The following ACOXL variants were observed in gnomAD, a reference collection of about 807,000 sequenced individuals.
The protein encoded by ACOXL is acyl-CoA oxidase like.
Under a neutral mutation model 71.9 loss-of-function variants are expected in ACOXL, and 70 were observed. That is an observed-to-expected ratio of 0.97 (90% CI 0.80 to 1.19). The LOEUF (loss-of-function observed/expected upper bound fraction) is 1.19, where lower values mean the gene tolerates loss of function less well. Ranked by LOEUF, ACOXL falls within the 50% of genes most tolerant of loss-of-function variation. ACOXL has a pLI of 0.00. For missense variants in ACOXL, 703 were observed against 736.3 expected (o/e 0.95, Z 0.52); for synonymous variants, 253 against 281.6 (o/e 0.90, Z 1.02).
chr2:111,046,039 G>A (rs186980013), intron 15 of ACOXL, among the ~76,000 whole-genome samples: 63 of 152,304 alleles, frequency 4.1e-4, no homozygotes, highest in African/African-American at 1.3e-3. Flanking sequence ...AGGGCAGCCC[G>A]GACATCTAAA....
In ACOXL at chr2:111,103,294, CA is replaced by C. The variant is rs1431819374; in HGVS notation, c.1542+10336del. Among the ~76,000 whole-genome samples, 3 of 149,734 alleles carry C rather than the reference CA, an allele frequency of 2.0e-5. No individual in the cohort carries two copies. The East Asian group carries it at 5.9e-4, about 29-fold the overall frequency. ...TGGGAGACAGAGCTAGACTGTGTCT[CA>C]AAAAAAATTAAAAAATAAATAAATA... On this transcript the variant is annotated intron_variant, in intron 17 of 17. Coordinates refer to ENST00000439055, the MANE Select transcript of ACOXL (RefSeq NM_001142807.4).
chr2:110,829,573 G>T (rs1377530018), intron 9 of ACOXL, among the ~76,000 whole-genome samples: 1 of 152,208 alleles, frequency 6.6e-6, no homozygotes, highest in East Asian at 1.9e-4. Flanking sequence ...TTTTGCTCCA[G>T]TGTCTTTGTA....
At chr2:110,957,573 C>T (rs780440630) in intron 12 of ACOXL, among the ~76,000 whole-genome samples, 3 of 152,198 alleles carry the variant, frequency 2.0e-5, no homozygotes, top group Admixed American at 6.5e-5. Context: ...TGTCGATGAC[C>T]ATCTCCTGCC....
chr2:110,805,893 T>C (rs1449764758), intron 9 of ACOXL, among the ~76,000 whole-genome samples: 2 of 152,198 alleles, frequency 1.3e-5, no homozygotes, highest in African/African-American at 4.8e-5. Flanking sequence ...CGTGTATTGG[T>C]TGGACAGAGG....
chr2:111,011,419 G>A (rs767157062), intron 14 of ACOXL, among the ~76,000 whole-genome samples: 7 of 152,070 alleles, frequency 4.6e-5, no homozygotes, highest in Non-Finnish European at 7.4e-5. Context: ...AATGTAAATG[G>A]CCCCAATATT....
At chr2:111,104,090 T>C (rs1339932420) in intron 17 of ACOXL, among the ~76,000 whole-genome samples, 2 of 150,702 alleles carry the variant, frequency 1.3e-5, no homozygotes, top group African/African-American at 2.5e-5. Context: ...TATGCAACCT[T>C]TGGAATTGGC....
At chr2:111,064,211 T>C (rs575019090) in intron 16 of ACOXL, among the ~76,000 whole-genome samples, 7 of 151,986 alleles carry the variant, frequency 4.6e-5, no homozygotes, top group South Asian at 2.1e-4. Context: ...CCAAGGTGGG[T>C]GGATCACGAG....
At chr2:110,767,488 C>T (rs72832804) in intron 1 of ACOXL, among the ~76,000 whole-genome samples, 3,973 of 152,298 alleles carry the variant, frequency 0.026, 76 homozygotes, top group East Asian at 0.055. Flanking sequence ...CAGAGCAGGT[C>T]ACCTCTTGGG....
chr2:110,799,172 A>G (rs2105313719), intron 7 of ACOXL, 72 bp downstream of exon 7: 1 of 1,451,204 alleles, frequency 6.9e-7, no homozygotes, highest in South Asian at 1.1e-5. Context: ...AGGAGAATCT[A>G]ACCTACGTTA....
intron 10 of ACOXL, among the ~76,000 whole-genome samples, chr2:110,894,256 G>C (rs1339471037): frequency 6.7e-6 from 1 of 149,710 alleles, no homozygotes; most frequent in Non-Finnish European, 1.5e-5. Flanking sequence ...GAGCTCTCTG[G>C]TTTTCTTTTT....
At chr2:110,864,197 T>C (rs944666921) in intron 10 of ACOXL, among the ~76,000 whole-genome samples, 1 of 152,174 alleles carries the variant, frequency 6.6e-6, no homozygotes, top group African/African-American at 2.4e-5. Context: ...GTGACTTTGG[T>C]CAAATCTGTT....
At chr2:111,021,538 C>T (rs1339197231) in intron 14 of ACOXL, among the ~76,000 whole-genome samples, 1 of 152,138 alleles carries the variant, frequency 6.6e-6, no homozygotes, top group East Asian at 1.9e-4. Context: ...CTGGGCCCAG[C>T]CCCCTTATTC....
chr2:110,797,834 C>T (rs1403937888), intron 5 of ACOXL, among the ~76,000 whole-genome samples: 1 of 152,126 alleles, frequency 6.6e-6, no homozygotes, highest in Non-Finnish European at 1.5e-5. Flanking sequence ...GCATATACCA[C>T]CAGGGCTTTT....
At chr2:110,899,585 T>G (rs1482530359) in intron 10 of ACOXL, among the ~76,000 whole-genome samples, 3 of 152,198 alleles carry the variant, frequency 2.0e-5, no homozygotes, top group Non-Finnish European at 4.4e-5. Context: ...GCAGTGGTGC[T>G]GATGACGGAA....
intron 15 of ACOXL, 106 bp downstream of exon 15, chr2:111,031,820 G>A (rs200942191): frequency 3.4e-6 from 4 of 1,161,116 alleles, no homozygotes; most frequent in Non-Finnish European, 5.1e-6. Flanking sequence ...CACAGGGAAG[G>A]GACAGTCCGT....
intron 10 of ACOXL, among the ~76,000 whole-genome samples, chr2:110,869,872 C>G (rs868008209): frequency 1.3e-5 from 2 of 152,230 alleles, no homozygotes; most frequent in East Asian, 1.9e-4. Flanking sequence ...CCACTGCCAG[C>G]CCCTACCCAG....
At chr2:110,990,519 A>G (rs964093413) in intron 13 of ACOXL, among the ~76,000 whole-genome samples, 10 of 152,114 alleles carry the variant, frequency 6.6e-5, no homozygotes, top group Non-Finnish European at 1.3e-4. Context: ...GTCTCACAGC[A>G]AGAGCTAGGA....
chr2:110,948,788 C>A (rs1249159467), intron 12 of ACOXL, among the ~76,000 whole-genome samples: 1 of 150,310 alleles, frequency 6.7e-6, no homozygotes. Context: ...GGACTCGAAG[C>A]TCGTCTGGAA....
At chr2:111,052,408 G>T (rs1384328651) in intron 16 of ACOXL, among the ~76,000 whole-genome samples, 2 of 152,038 alleles carry the variant, frequency 1.3e-5, no homozygotes, top group African/African-American at 2.4e-5. Context: ...CATCCTTGTT[G>T]CTGGGGGTCC....
Sources: allele counts gnomAD v4.1 joint callset (sites outside exome capture counted in the v4.1 genomes callset), GRCh38; gene constraint gnomAD v4.1.1; transcripts MANE v1.5; gene names NCBI Gene and HGNC (gene_info 2026-07-23, HGNC 2026-07-21).